Variants in CD200R1L observed in about 807,000 individuals in gnomAD.
CD200R1L encodes the protein CD200 receptor 1 like, also known as cell surface glycoprotein CD200 receptor 2.
In CD200R1L, 14 loss-of-function variants were observed where a neutral mutation model predicts 24.8. The ratio of observed to expected loss-of-function variants is 0.56; its 90% CI spans 0.37 to 0.88. The LOEUF is 0.88. CD200R1L is among the 40% of genes least tolerant of loss of function. The pLI, the probability that CD200R1L is intolerant of heterozygous loss-of-function variation, is 0.00. For synonymous variants in CD200R1L, 111 were observed against 109.2 expected, an observed-to-expected ratio of 1.02 and a Z score of -0.11; for missense variants, 299 against 297.8, an observed-to-expected ratio of 1.00 and a Z score of -0.03.
intron 6 of CD200R1L, among the ~76,000 whole-genome samples, chr3:112,823,820 G>A (rs1437107018): frequency 6.6e-6 from 1 of 152,192 alleles, no homozygotes; most frequent in Non-Finnish European, 1.5e-5. Flanking sequence ...GGTAGAAATT[G>A]CATGTAAAAG....
chr3:112,822,819 T>C (rs1413208913), intron 6 of CD200R1L, among the ~76,000 whole-genome samples: 1 of 152,214 alleles, frequency 6.6e-6, no homozygotes, highest in Non-Finnish European at 1.5e-5. Flanking sequence ...GCAGCCAAAA[T>C]TTTTGTTTAC....
intron 2 of CD200R1L, among the ~76,000 whole-genome samples, chr3:112,842,673 T>C (rs1939109477): frequency 6.6e-6 from 1 of 152,066 alleles, no homozygotes; most frequent in Non-Finnish European, 1.5e-5. Context: ...GAAATATTAA[T>C]ATTAATACCC....
intron 6 of CD200R1L, among the ~76,000 whole-genome samples, chr3:112,824,345 T>A (rs1433896915): frequency 6.6e-6 from 1 of 152,026 alleles, no homozygotes; most frequent in Non-Finnish European, 1.5e-5. Context: ...CATGAAGGAG[T>A]AGAGCAGAAT....
chr3:112,824,046 G>T (rs928643906), intron 6 of CD200R1L, among the ~76,000 whole-genome samples: 1 of 152,160 alleles, frequency 6.6e-6, no homozygotes, highest in Non-Finnish European at 1.5e-5. Flanking sequence ...AGATAAATTG[G>T]AGGAAGTTAA....
Position 112,819,771 on chromosome 3 carries a change from C to T in CD200R1L, c.740+1G>A, listed in dbSNP as rs372771108. On this transcript the variant is annotated splice_donor_variant, in intron 7 of 7. Transcript: ENST00000488794. LOFTEE classifies it high-confidence loss of function. ...TATGCTTTTCAGTCTTCAGTTCCTA[C>T]CTGACATGATTTATCCTCTGGAAGA... The T allele has an allele frequency of 6.3e-7, 1 of 1,596,360 alleles. No individual in the cohort carries two copies. Among genetic ancestry groups the T allele is most frequent in the Non-Finnish European group, 8.5e-7 (1 of 1,175,010 alleles).
At chr3:112,834,787 C>T (rs1938892865) in intron 3 of CD200R1L, among the ~76,000 whole-genome samples, 1 of 152,206 alleles carries the variant, frequency 6.6e-6, no homozygotes, top group Admixed American at 6.5e-5. Context: ...CCAACCACTG[C>T]ACACAGCCAG....
chr3:112,823,100 T>C (rs1938577496), intron 6 of CD200R1L, among the ~76,000 whole-genome samples: 1 of 152,196 alleles, frequency 6.6e-6, no homozygotes, highest in African/African-American at 2.4e-5. Flanking sequence ...ATAAACCAGC[T>C]TTGTATGTAA....
chr3:112,827,128 T>A lies in CD200R1L; in HGVS notation c.481A>T (p.Thr161Ser), dbSNP rs755068730. ...CCATTGCCCCAGTATTCTTGCTTAG[T>A]GGCAAGAATAGATCCCTCTGGGATC... is the stretch of plus-strand genomic sequence containing the variant. The part of the protein sequence containing the change: ...SWIPEGSILA[T>S]KQEYWGNGTV... Residue 161 changes from threonine to serine, a missense_variant, in exon 6 of 8, where the codon ACT (threonine) becomes TCT (serine). Transcript: ENST00000488794. The A allele has an allele frequency of 2.0e-5, 33 of 1,613,580 alleles. No homozygotes were observed. Among genetic ancestry groups the A allele is most frequent in the Non-Finnish European group, 2.8e-5 (33 of 1,180,028 alleles).
rs1288551460 is a variant in CD200R1L at position 112,819,772 on chromosome 3, C to T, written c.740G>A (p.Arg247Lys). Residue 247 changes from arginine to lysine, a missense_variant and splice_region_variant, in exon 7 of 8, where the codon AGA becomes AAA. Physicochemically the swap from Arg to Lys is conservative, Grantham distance 26. Coordinates refer to ENST00000488794, the MANE Select transcript of CD200R1L (RefSeq NM_001199215.3). ...FVFFQRINHV[R>K]KVL ...ATGCTTTTCAGTCTTCAGTTCCTAC[C>T]TGACATGATTTATCCTCTGGAAGAA... 1 of 1,596,504 alleles carries T rather than the reference C, an allele frequency of 6.3e-7. No individual in the cohort carries two copies. Among genetic ancestry groups the T allele is most frequent in the Non-Finnish European group, 8.5e-7 (1 of 1,175,110 alleles).
intron 2 of CD200R1L, among the ~76,000 whole-genome samples, chr3:112,842,665 A>T (rs1315292920): frequency 6.6e-6 from 1 of 152,170 alleles, no homozygotes; most frequent in African/African-American, 2.4e-5. Context: ...CCTAGCAAGA[A>T]ATATTAATAT....
intron 7 of CD200R1L, among the ~76,000 whole-genome samples, chr3:112,817,194 C>T (rs550831993): frequency 4.1e-4 from 62 of 152,056 alleles, no homozygotes; most frequent in Non-Finnish European, 8.2e-4. Flanking sequence ...AAGAAAGGCA[C>T]ACAACAGCTT....
chr3:112,819,724 C>T, intron 7 of CD200R1L, 48 bp downstream of exon 7: 1 of 1,454,986 alleles, frequency 6.9e-7, no homozygotes, highest in African/African-American at 1.5e-5. Flanking sequence ...TACAATGATA[C>T]TTTTTTTTTT....
In CD200R1L at chr3:112,843,060, G is replaced by A. The variant is rs138127428; in HGVS notation, c.-87+2619C>T. On this transcript the variant is annotated intron_variant, in intron 2 of 7. Transcript: ENST00000488794. Reference sequence around the variant, plus strand: ...AGTCTGCCAAGCTCAGAGGACCAGCGGGTCTCCAAGGAGTTGTGGGCCTCC... The same window carrying A: ...AGTCTGCCAAGCTCAGAGGACCAGCAGGTCTCCAAGGAGTTGTGGGCCTCC... Among the ~76,000 whole-genome samples, 286 of 152,272 alleles carry A rather than the reference G, an allele frequency of 1.9e-3. 1 individual carries two copies. The highest frequency in any genetic ancestry group is 3.6e-3 in the Non-Finnish European group (246 of 68,014).
Position 112,815,740 on chromosome 3 carries a change from C to G in CD200R1L, c.*223G>C. 1.9e-6 allele frequency: 1 copy of G among 520,526 alleles called. No individual in the cohort carries two copies. 32.2% of individuals were successfully genotyped at this position (520,526 alleles called of 1,614,324 possible). A position where few individuals can be genotyped will look rare whatever the true frequency, so the allele number is the denominator to read the frequency against. On this transcript the variant is annotated 3_prime_UTR_variant, in exon 8 of 8. Transcript: ENST00000488794. Reference sequence around the variant, plus strand: ...ATGAACAAAATTTTATTCACTCTAACACAAAAGAAGTCAATGAATAGGTGG... The same window carrying G: ...ATGAACAAAATTTTATTCACTCTAAGACAAAAGAAGTCAATGAATAGGTGG...
Position 112,845,931 on chromosome 3 carries a change from G to A in CD200R1L, c.-339C>T, listed in dbSNP as rs1939192500. On this transcript the variant is annotated 5_prime_UTR_variant, in exon 2 of 8. Transcript: ENST00000488794. ...GTTTTTGACTGATTAACCACTGATGGGAAATGTCAGTGAGTTTTGCTGTGT... is the reference window on the plus strand; with the variant it reads ...GTTTTTGACTGATTAACCACTGATGAGAAATGTCAGTGAGTTTTGCTGTGT... 2.5e-5 allele frequency: 13 copies of A among 516,076 alleles called. No homozygotes were observed. Among genetic ancestry groups the A allele is most frequent in the South Asian group, 8.3e-5 (3 of 36,014 alleles). 32.0% of individuals were successfully genotyped at this position (516,076 alleles called of 1,614,324 possible).
intron 4 of CD200R1L, among the ~76,000 whole-genome samples, chr3:112,828,813 C>T (rs1183324816): frequency 6.6e-6 from 1 of 152,016 alleles, no homozygotes; most frequent in African/African-American, 2.4e-5. Flanking sequence ...CTTATTCTGC[C>T]GAAGTATCTG....
intron 6 of CD200R1L, among the ~76,000 whole-genome samples, chr3:112,823,174 T>C (rs1938579546): frequency 6.6e-6 from 1 of 152,236 alleles, no homozygotes; most frequent in South Asian, 2.1e-4. Flanking sequence ...GTTTGAAGTT[T>C]GAAGCACTGA....
intron 2 of CD200R1L, among the ~76,000 whole-genome samples, chr3:112,843,775 A>C (rs892514741): frequency 6.6e-6 from 1 of 152,190 alleles, no homozygotes; most frequent in African/African-American, 2.4e-5. Context: ...AAAGAACAAG[A>C]CCTAACCATC....
chr3:112,839,930 T>C (rs1182575392), intron 2 of CD200R1L, among the ~76,000 whole-genome samples: 4 of 152,188 alleles, frequency 2.6e-5, no homozygotes, highest in Non-Finnish European at 5.9e-5. Flanking sequence ...TCCAGACTTA[T>C]AACTAGACTT....
Sources: allele counts gnomAD v4.1 joint callset (sites outside exome capture counted in the v4.1 genomes callset), GRCh38; gene constraint gnomAD v4.1.1; transcripts MANE v1.5; gene names NCBI Gene and HGNC (gene_info 2026-07-23, HGNC 2026-07-21).